The following SLC17A3 variants were observed in gnomAD, a reference collection of about 807,000 sequenced individuals.
SLC17A3 encodes sodium-dependent phosphate transport protein 4.
Under a neutral mutation model 60.3 loss-of-function variants are expected in SLC17A3, and 61 were observed. That is an observed-to-expected ratio of 1.01 (90% CI 0.82 to 1.25). The LOEUF is 1.25. Among genes scored for constraint, SLC17A3 ranks in the 50% most tolerant of loss-of-function variants. The pLI is 0.00. For missense variants in SLC17A3, 624 were observed against 594.9 expected, an observed-to-expected ratio of 1.05 and a Z score of -0.51; for synonymous variants, 192 against 208.9, an observed-to-expected ratio of 0.92 and a Z score of 0.70.
At position 25,862,014 on chromosome 6, in the gene SLC17A3, A is replaced by T; in HGVS notation, c.319T>A (p.Trp107Arg). 1 of 1,605,958 alleles carries T rather than the reference A, an allele frequency of 6.2e-7. No individual in the cohort carries two copies. The highest frequency in any genetic ancestry group is 8.5e-7 in the Non-Finnish European group (1 of 1,175,920). ...SLPAKAPVYD[W>R]SPQIQGIIFG... ...ATGATGCCTTGGATTTGAGGAGACC[A>T]GTCATACACAGGAGCCTTAGAGAAA... The change falls in exon 4 of 13, where the codon TGG becomes AGG. Residue 107 changes from tryptophan (W) to arginine (R), a missense_variant. Coordinates refer to ENST00000397060, the MANE Select transcript of SLC17A3 (RefSeq NM_001098486.2).
intron 11 of SLC17A3, among the ~76,000 whole-genome samples, chr6:25,848,272 A>G (rs537429304): frequency 6.6e-6 from 1 of 152,306 alleles, no homozygotes; most frequent in South Asian, 2.1e-4. Context: ...CAGTAGTGGG[A>G]TGGCTGGATC....
In SLC17A3 at chr6:25,861,780, A is replaced by T; in HGVS notation, c.537+16T>A. The T allele has an allele frequency of 1.2e-6, 2 of 1,612,160 alleles. No individual in the cohort carries two copies. The highest frequency in any genetic ancestry group is 1.7e-6 in the Non-Finnish European group (2 of 1,178,250). ...AGAAATTCATATCCAACTCAGATTT[A>T]TAAAATATTGGGTACCTGGCTTAGG... On this transcript the variant is annotated intron_variant, in intron 4 of 12. Coordinates refer to ENST00000397060, the MANE Select transcript of SLC17A3 (RefSeq NM_001098486.2).
At chr6:25,853,406 G>GTTTTTTTTT (rs70977233) in intron 6 of SLC17A3, among the ~76,000 whole-genome samples, 1 of 58,726 alleles carries the variant, frequency 1.7e-5, no homozygotes, top group African/African-American at 7.0e-5. Flanking sequence ...ATTTCTGCAT[G>GTTTTTTTTT]TTTTTTTTTT....
At chr6:25,849,984 T>C (rs757934296) in intron 9 of SLC17A3, 32 bp from the exon 10 acceptor site, 64 of 1,611,472 alleles carry the variant, frequency 4.0e-5, no homozygotes, top group Non-Finnish European at 5.3e-5. Context: ...AATTAAACAG[T>C]GAGATGCATT....
chr6:25,863,523 G>C (rs555224833), intron 2 of SLC17A3, among the ~76,000 whole-genome samples: 1 of 152,192 alleles, frequency 6.6e-6, no homozygotes, highest in South Asian at 2.1e-4. Context: ...GGGAAGAAAA[G>C]GGACTTAGAT....
Position 25,849,824 on chromosome 6 carries a change from C to T in SLC17A3, c.1252G>A (p.Val418Ile). The T allele has an allele frequency of 6.2e-7, 1 of 1,613,860 alleles. No homozygotes were observed. The highest frequency in any genetic ancestry group is 8.5e-7 in the Non-Finnish European group (1 of 1,179,758). ...TCCTACCTTGGAGCAATATCTAAGACATTGATATAAATCCCTGACTGACAC... is the reference window on the plus strand; with the variant it reads ...TCCTACCTTGGAGCAATATCTAAGATATTGATATAAATCCCTGACTGACAC... ...TLCQSGIYINVLDIAPRYSSF... is the reference protein window; with the variant it reads ...TLCQSGIYINILDIAPRYSSF... Residue 418 changes from valine to isoleucine, a missense_variant, in exon 10 of 13, where the codon GTC becomes ATC. Coordinates refer to ENST00000397060, the MANE Select transcript of SLC17A3 (RefSeq NM_001098486.2).
intron 2 of SLC17A3, among the ~76,000 whole-genome samples, chr6:25,866,259 G>A (rs1157756698): frequency 6.6e-6 from 1 of 151,946 alleles, no homozygotes; most frequent in Non-Finnish European, 1.5e-5. Context: ...AACCTAACAC[G>A]ATAAGGAACC....
chr6:25,847,265 A>G (rs991713475), intron 11 of SLC17A3, among the ~76,000 whole-genome samples: 2 of 152,178 alleles, frequency 1.3e-5, no homozygotes, highest in African/African-American at 2.4e-5. Flanking sequence ...CATTCTGAAT[A>G]GTATTTCATG....
intron 5 of SLC17A3, among the ~76,000 whole-genome samples, chr6:25,857,442 G>A (rs1238976879): frequency 6.6e-6 from 1 of 150,628 alleles, no homozygotes; most frequent in South Asian, 2.1e-4. Flanking sequence ...TTTTTTTAAT[G>A]TGGTGTTTTG....
chr6:25,852,643 T>C (rs1369516999), intron 6 of SLC17A3, among the ~76,000 whole-genome samples: 1 of 152,132 alleles, frequency 6.6e-6, no homozygotes, highest in Non-Finnish European at 1.5e-5. Context: ...ATACTGTACT[T>C]TTCATCTCTA....
intron 5 of SLC17A3, among the ~76,000 whole-genome samples, chr6:25,857,766 C>A (rs571513339): frequency 3.3e-4 from 50 of 152,274 alleles, no homozygotes; most frequent in African/African-American, 1.2e-3. Context: ...GCATCTTTTT[C>A]TACCACTAAG....
intron 11 of SLC17A3, among the ~76,000 whole-genome samples, chr6:25,847,276 G>A (rs1209390225): frequency 6.6e-6 from 1 of 152,132 alleles, no homozygotes; most frequent in Non-Finnish European, 1.5e-5. Context: ...GTATTTCATG[G>A]TGTATATGTA....
chr6:25,853,832 T>C (rs1434422518), intron 6 of SLC17A3, among the ~76,000 whole-genome samples: 2 of 152,190 alleles, frequency 1.3e-5, no homozygotes, highest in Non-Finnish European at 2.9e-5. Flanking sequence ...GAACCATCTT[T>C]TCTAATATAA....
intron 5 of SLC17A3, among the ~76,000 whole-genome samples, chr6:25,860,352 G>A (rs9467623): frequency 0.067 from 10,259 of 152,106 alleles, 381 homozygotes; most frequent in Non-Finnish European, 0.087. Flanking sequence ...TTCCACTAAA[G>A]GCAGGTGCCT....
intron 1 of SLC17A3, among the ~76,000 whole-genome samples, chr6:25,870,545 G>T (rs1765624473): frequency 6.6e-6 from 1 of 151,948 alleles, no homozygotes; most frequent in African/African-American, 2.4e-5. Context: ...GCCACTCCAA[G>T]ATTATCCTGA....
rs1471844952 is a variant in SLC17A3, at chr6:25,845,318, T to C, written c.*3-20A>G. 5.0e-6 allele frequency: 8 copies of C among 1,596,040 alleles called. No homozygotes were observed. In the African/African-American group the frequency reaches 5.4e-5, roughly 11 times the overall value. On this transcript the variant is annotated intron_variant, in intron 12 of 12. Transcript: ENST00000397060. ...GGATAACTAAGAAAGGAAAATGATA[T>C]AGAATTTAAAACTTCAGCTGCTTCT...
chr6:25,855,064 G>T (rs1398202909), intron 6 of SLC17A3, 80 bp downstream of exon 6: 12 of 944,616 alleles, frequency 1.3e-5, no homozygotes, highest in Non-Finnish European at 2.1e-5. Flanking sequence ...ATTTCCTTTG[G>T]AAAACTATAC....
intron 1 of SLC17A3, among the ~76,000 whole-genome samples, chr6:25,871,132 T>C (rs1765633611): frequency 6.6e-6 from 1 of 152,044 alleles, no homozygotes; most frequent in African/African-American, 2.4e-5. Context: ...AGCCATCCCA[T>C]TACTGGGGAT....
rs543989581 is a variant in SLC17A3 at position 25,871,081 on chromosome 6, C to T, written c.-33-2661G>A. Among the ~76,000 whole-genome samples the T allele has an allele frequency of 3.0e-4, 45 of 152,088 alleles. 1 individual carries two copies. Among genetic ancestry groups the T allele is most frequent in the Admixed American group, 1.4e-3 (22 of 15,280 alleles). On this transcript the variant is annotated intron_variant, in intron 1 of 12. Transcript: ENST00000397060. ...TCAACCATTGTGGAAGTCAGTGTGGCGATTCCTCAGGGATCTAGAACTAGA... is the reference window on the plus strand; with the variant it reads ...TCAACCATTGTGGAAGTCAGTGTGGTGATTCCTCAGGGATCTAGAACTAGA...
Sources: gnomAD v4.1 joint callset for allele counts (sites outside exome capture counted in the v4.1 genomes callset) on GRCh38, gnomAD v4.1.1 for gene constraint, MANE v1.5 for transcripts, NCBI Gene and HGNC (gene_info 2026-07-23, HGNC 2026-07-21) for gene names.